DNAJA1: variants seen among roughly 807,000 people sequenced by gnomAD.
DNAJA1 encodes dnaJ homolog subfamily A member 1.
DNAJA1 carries 26 observed loss-of-function variants against 47.6 expected under a neutral mutation model. The observed-to-expected ratio is 0.55, with a 90% CI of 0.40 to 0.76. DNAJA1 has a LOEUF of 0.76. Ranked by LOEUF, DNAJA1 falls within the 30% of genes least tolerant of loss-of-function variation. The probability of loss-of-function intolerance (pLI) is 0.00; values close to 1 mark genes in which losing one functional copy is unlikely to be tolerated. For missense variants in DNAJA1, 315 were observed against 485.0 expected (o/e 0.65, Z 3.29); for synonymous variants, 165 against 158.4 (o/e 1.04, Z -0.31).
chr9:33,025,918 C>T (rs1838825451), intron 1 of DNAJA1, among the ~76,000 whole-genome samples: 2 of 152,190 alleles, frequency 1.3e-5, no homozygotes, highest in East Asian at 3.8e-4. Flanking sequence ...AAGGGGAAAC[C>T]TGGCAGGTAA....
chr9:33,036,461 AG>A (rs1389192967), intron 6 of DNAJA1, 112 bp from the exon 7 acceptor site: 2 of 599,068 alleles, frequency 3.3e-6, no homozygotes, highest in Non-Finnish European at 5.8e-6. Context: ...GGGGAAGAAA[AG>A]GGTGTCTTTG....
intron 3 of DNAJA1, among the ~76,000 whole-genome samples, chr9:33,029,271 C>A (rs944091553): frequency 1.3e-5 from 2 of 152,184 alleles, no homozygotes; most frequent in Non-Finnish European, 2.9e-5. Flanking sequence ...GCAGAAAGTT[C>A]TGTTGGGCAA....
At chr9:33,030,784 A>T (rs1355443198) in intron 5 of DNAJA1, 117 bp downstream of exon 5, 1 of 914,948 alleles carries the variant, frequency 1.1e-6, no homozygotes, top group African/African-American at 1.7e-5. Context: ...TATCAATCAG[A>T]AATAACTCTT....
chr9:33,038,539 C>G (rs1241003034), intron 8 of DNAJA1, 146 bp from the exon 9 acceptor site: 2 of 690,510 alleles, frequency 2.9e-6, no homozygotes, highest in Non-Finnish European at 4.8e-6. Context: ...TGCACTGTGC[C>G]TTTTTAGAGC....
chr9:33,038,612 G>A (rs1170775266), intron 8 of DNAJA1, 73 bp from the exon 9 acceptor site: 2 of 1,395,388 alleles, frequency 1.4e-6, no homozygotes, highest in African/African-American at 2.9e-5. Context: ...GTTTTTCTGG[G>A]GAAAATGGGT....
intron 5 of DNAJA1, among the ~76,000 whole-genome samples, chr9:33,033,670 A>G (rs983583604): frequency 2.6e-5 from 4 of 152,222 alleles, no homozygotes; most frequent in African/African-American, 9.6e-5. Context: ...AGCCTAGGCA[A>G]CAGAGCAAGA....
intron 1 of DNAJA1, among the ~76,000 whole-genome samples, chr9:33,025,794 G>A (rs1838818480): frequency 6.6e-6 from 1 of 152,214 alleles, no homozygotes; most frequent in Non-Finnish European, 1.5e-5. Context: ...GCGGCTTTTG[G>A]TTTCGCTTTC....
At position 33,036,549 on chromosome 9, in the gene DNAJA1, T is replaced by A. The variant is rs367641374; in HGVS notation, c.759-25T>A. The A allele has an allele frequency of 2.0e-6, 3 of 1,474,350 alleles. No homozygotes were observed. The African/African-American group carries it at 4.2e-5, about 21-fold the overall frequency. 91.3% of individuals were successfully genotyped at this position (1,474,350 alleles called of 1,614,324 possible). A position where few individuals can be genotyped will look rare whatever the true frequency, so the allele number is the denominator to read the frequency against. ...CTACTGATTCGTGATTTGAAAAATA[T>A]AAATATGTGTCATATTTTATGCAGA... On this transcript the variant is annotated intron_variant, in intron 6 of 8. Coordinates refer to ENST00000330899, the MANE Select transcript of DNAJA1 (RefSeq NM_001539.4).
intron 5 of DNAJA1, among the ~76,000 whole-genome samples, 192 bp from the exon 6 acceptor site, chr9:33,034,024 C>G (rs1160716536): frequency 6.6e-6 from 1 of 152,190 alleles, no homozygotes; most frequent in African/African-American, 2.4e-5. Flanking sequence ...AGGCTAGTCT[C>G]TTTGCCTCTG....
chr9:33,039,077 C>T lies in DNAJA1; in HGVS notation c.*174C>T. On this transcript the variant is annotated 3_prime_UTR_variant, in exon 9 of 9. Transcript: ENST00000330899. Reference sequence around the variant, plus strand: ...CAAATATAAAAGCTCTGATTTTGCCCTGTATGTATGATGACTTCAGTGTGC... The same window carrying T: ...CAAATATAAAAGCTCTGATTTTGCCTTGTATGTATGATGACTTCAGTGTGC... 1 of 656,054 alleles carries T rather than the reference C, an allele frequency of 1.5e-6. No individual in the cohort carries two copies. Among genetic ancestry groups the T allele is most frequent in the Non-Finnish European group, 2.6e-6 (1 of 392,112 alleles). 40.6% of individuals were successfully genotyped at this position (656,054 alleles called of 1,614,324 possible).
In DNAJA1 at chr9:33,036,644, A is replaced by T; in HGVS notation, c.829A>T (p.Ile277Leu). The change falls in exon 7 of 9, where the codon ATA becomes TTA. Residue 277 changes from isoleucine (I) to leucine (L), a missense_variant. Coordinates refer to ENST00000330899, the MANE Select transcript of DNAJA1 (RefSeq NM_001539.4). ...AGCACTGTGTGGCTTCCAGAAGCCA[A>T]TATCTACTCTTGACAACCGAACCAT... ...VEALCGFQKP[I>L]STLDNRTIVI... The T allele has an allele frequency of 6.2e-7, 1 of 1,614,104 alleles. No individual in the cohort carries two copies. Among genetic ancestry groups the T allele is most frequent in the Non-Finnish European group, 8.5e-7 (1 of 1,179,972 alleles).
intron 5 of DNAJA1, among the ~76,000 whole-genome samples, chr9:33,032,482 T>C (rs992229642): frequency 6.6e-6 from 1 of 152,246 alleles, no homozygotes; most frequent in Non-Finnish European, 1.5e-5. Context: ...GTCATGTCAC[T>C]GTAACACAGC....
At chr9:33,036,833 G>GT in intron 7 of DNAJA1, 144 bp downstream of exon 7, 2 of 800,496 alleles carry the variant, frequency 2.5e-6, no homozygotes, top group Non-Finnish European at 2.0e-6. Context: ...CTTAGATGAA[G>GT]TTATAAGGTC....
At chr9:33,030,382 A>T (rs1451097869) in intron 4 of DNAJA1, 58 bp from the exon 5 acceptor site, 1 of 1,502,134 alleles carries the variant, frequency 6.7e-7, no homozygotes, top group East Asian at 2.5e-5. Flanking sequence ...TTCTTAAAAC[A>T]TTTACTACTG....
chr9:33,026,642 A>G, intron 2 of DNAJA1, 26 bp downstream of exon 2: 1 of 1,589,558 alleles, frequency 6.3e-7, no homozygotes, highest in South Asian at 1.2e-5. Flanking sequence ...TCTTAAACGT[A>G]TCTGAATAGT....
intron 3 of DNAJA1, among the ~76,000 whole-genome samples, chr9:33,028,007 A>G (rs1210660384): frequency 6.9e-6 from 1 of 144,972 alleles, no homozygotes; most frequent in Non-Finnish European, 1.5e-5. Flanking sequence ...CCTGAGCAAC[A>G]CAGCGAGACT....
At chr9:33,038,137 T>C (rs2119398699) in intron 8 of DNAJA1, among the ~76,000 whole-genome samples, 1 of 152,124 alleles carries the variant, frequency 6.6e-6, no homozygotes. Context: ...CCTGAGTAGC[T>C]GGGAATACAG....
Position 33,026,369 on chromosome 9 carries a change from GTGT to G in DNAJA1, c.-10-104_-10-102del, listed in dbSNP as rs1838849276. ...TTTTTGGTGAAATTTAGGGAAGGTG[GTGT>G]TCTTATAATCGGATTTTGCAAAGAG... On this transcript the variant is annotated intron_variant, in intron 1 of 8. Coordinates refer to ENST00000330899, the MANE Select transcript of DNAJA1 (RefSeq NM_001539.4). 6 of 1,196,680 alleles carry G rather than the reference GTGT, an allele frequency of 5.0e-6. No individual in the cohort carries two copies. In the South Asian group the frequency reaches 5.9e-5, roughly 12 times the overall value. The allele number at this position is 1,196,680 out of a possible 1,614,324, so 74.1% of individuals were successfully genotyped here. A position where few individuals can be genotyped will look rare whatever the true frequency, so the allele number is the denominator to read the frequency against.
intron 6 of DNAJA1, 178 bp from the exon 7 acceptor site, chr9:33,036,396 C>T (rs1311139780): frequency 2.1e-5 from 9 of 426,294 alleles, no homozygotes; most frequent in Non-Finnish European, 3.4e-5. Flanking sequence ...ACGGGGCTGG[C>T]AGGTTGCACA....
Sources: gnomAD v4.1 joint callset for allele counts (sites outside exome capture counted in the v4.1 genomes callset) on GRCh38, gnomAD v4.1.1 for gene constraint, MANE v1.5 for transcripts, NCBI Gene and HGNC (gene_info 2026-07-23, HGNC 2026-07-21) for gene names.